Variants in XRN1 observed in about 807,000 individuals in gnomAD.
XRN1 encodes strand-exchange protein 1 homolog.
XRN1 carries 67 observed loss-of-function variants against 222.3 expected under a neutral mutation model. That is an observed-to-expected ratio of 0.30 (90% CI 0.25 to 0.37). XRN1 has a LOEUF of 0.37. XRN1 is among the 10% of genes least tolerant of loss of function. The probability of loss-of-function intolerance (pLI) is 1.00; values close to 1 mark genes in which losing one functional copy is unlikely to be tolerated. For synonymous variants in XRN1, 643 were observed against 652.4 expected, an observed-to-expected ratio of 0.99 and a Z score of 0.22; for missense variants, 1,707 against 2,000.2, an observed-to-expected ratio of 0.85 and a Z score of 2.80.
In XRN1 at chr3:142,306,628, TTTAA is replaced by T. The variant is rs1395533389; in HGVS notation, c.*4879_*4882del. On this transcript the variant is annotated 3_prime_UTR_variant, in exon 41 of 41. Transcript: ENST00000392981. ...CAGCTTATAAAATCATTCTCAAGTC[TTTAA>T]TTAAAATCCATAGAGCATTTAACAT... 1.3e-5 allele frequency: 2 copies of T among 152,338 alleles called. No individual in the cohort carries two copies. The highest frequency in any genetic ancestry group is 2.1e-4 in the South Asian group (1 of 4,836). 9.4% of individuals were successfully genotyped at this position (152,338 alleles called of 1,614,324 possible).
intron 37 of XRN1, among the ~76,000 whole-genome samples, chr3:142,319,581 T>C (rs1056949254): frequency 6.6e-6 from 1 of 152,196 alleles, no homozygotes; most frequent in Non-Finnish European, 1.5e-5. Flanking sequence ...ATATACTACA[T>C]AGTGGTGAAG....
intron 33 of XRN1, among the ~76,000 whole-genome samples, chr3:142,342,430 T>C (rs747793886): frequency 6.6e-6 from 1 of 152,054 alleles, no homozygotes; most frequent in Non-Finnish European, 1.5e-5. Flanking sequence ...TTTACATAAA[T>C]AGAAAAAACA....
At chr3:142,361,728 CATGTATCTTCTGGGGTA>C (rs2066636272) in intron 29 of XRN1, among the ~76,000 whole-genome samples, 3 of 152,136 alleles carry the variant, frequency 2.0e-5, no homozygotes, top group South Asian at 4.1e-4. Context: ...ATTTGCCATC[CATGTATCTTCTGGGGTA>C]AAATATCTGT....
intron 20 of XRN1, 24 bp downstream of exon 20, chr3:142,397,305 T>C: frequency 6.4e-6 from 10 of 1,550,932 alleles, no homozygotes; most frequent in Non-Finnish European, 8.7e-6. Flanking sequence ...TTCCATGATA[T>C]TAAATACTTT....
intron 30 of XRN1, among the ~76,000 whole-genome samples, chr3:142,357,671 T>C (rs1344909032): frequency 1.3e-5 from 2 of 151,912 alleles, no homozygotes; most frequent in African/African-American, 4.8e-5. Flanking sequence ...CAAATGACCC[T>C]CCATCCTTAG....
intron 37 of XRN1, among the ~76,000 whole-genome samples, chr3:142,328,452 C>T (rs965243547): frequency 2.6e-5 from 4 of 151,442 alleles, no homozygotes; most frequent in Admixed American, 2.6e-4. Flanking sequence ...TTCCAAAGTT[C>T]CTCTTGTTAT....
At chr3:142,400,603 A>G (rs2068090687) in intron 18 of XRN1, 56 bp from the exon 19 acceptor site, 2 of 1,405,658 alleles carry the variant, frequency 1.4e-6, no homozygotes, top group Non-Finnish European at 2.0e-6. Flanking sequence ...AGAAAACTTT[A>G]CACAGGCAAA....
intron 14 of XRN1, among the ~76,000 whole-genome samples, chr3:142,413,089 G>A (rs1162661117): frequency 6.6e-6 from 1 of 151,934 alleles, no homozygotes; most frequent in Non-Finnish European, 1.5e-5. Context: ...ATTCTATTAA[G>A]TAATGTAACA....
At position 142,348,845 on chromosome 3, in the gene XRN1, G is replaced by A. The variant is rs1054413824; in HGVS notation, c.3769-1503C>T. Among the ~76,000 whole-genome samples, 4 of 152,088 alleles carry A rather than the reference G, an allele frequency of 2.6e-5. 1 individual carries two copies. In the South Asian group the frequency reaches 8.3e-4, roughly 32 times the overall value. ...GTAGAGACAGGGATCTTATTATGTTGCCCAGGCTGGTGTCGAACTCCTGGG... is the reference window on the plus strand; with the variant it reads ...GTAGAGACAGGGATCTTATTATGTTACCCAGGCTGGTGTCGAACTCCTGGG... On this transcript the variant is annotated intron_variant, in intron 32 of 40. Coordinates refer to ENST00000392981, the MANE Select transcript of XRN1 (RefSeq NM_001282857.2).
chr3:142,418,563 C>T lies in XRN1; in HGVS notation c.1287G>A (p.Glu429=). 1 of 1,611,348 alleles carries T rather than the reference C, an allele frequency of 6.2e-7. No homozygotes were observed. ...AATATGTTCTTTTATATTGTCTAAA[C>T]TCAGTTTCAAATAGGTCATCATCTT... ...ETEDDDLFET[E]FRQYKRTYYM... The change falls in exon 12 of 41, where the codon GAG becomes GAA. Residue 429 remains glutamate (E), a synonymous_variant. Transcript: ENST00000392981.
chr3:142,404,413 G>A (rs1455163040), intron 16 of XRN1, among the ~76,000 whole-genome samples: 1 of 150,938 alleles, frequency 6.6e-6, no homozygotes, highest in Non-Finnish European at 1.5e-5. Flanking sequence ...TTGCCATCTG[G>A]GTAGATTATT....
chr3:142,419,808 CAAA>C (rs749309289), intron 10 of XRN1, among the ~76,000 whole-genome samples: 6 of 111,944 alleles, frequency 5.4e-5, no homozygotes, highest in African/African-American at 3.2e-5. Flanking sequence ...ATGCTGTCTC[CAAA>C]AAAAAAAAAA....
chr3:142,446,610 T>C (rs1023197514), intron 1 of XRN1, among the ~76,000 whole-genome samples: 3 of 152,232 alleles, frequency 2.0e-5, no homozygotes, highest in African/African-American at 7.2e-5. Context: ...ACAATCGCAT[T>C]ATTTTTGCAC....
At chr3:142,314,689 G>A (rs13067197) in intron 39 of XRN1, among the ~76,000 whole-genome samples, 57,213 of 151,484 alleles carry the variant, frequency 0.38, 10,891 homozygotes, top group Middle Eastern at 0.47. Context: ...CGGATCCCTT[G>A]AGCCCAGAGT....
At chr3:142,387,807 G>C (rs2067563815) in intron 20 of XRN1, among the ~76,000 whole-genome samples, 1 of 152,080 alleles carries the variant, frequency 6.6e-6, no homozygotes, top group Admixed American at 6.6e-5. Context: ...CTTGCAATGA[G>C]GAGGATACGG....
chr3:142,353,714 CTG>C (rs2066380196), intron 32 of XRN1, among the ~76,000 whole-genome samples: 1 of 152,134 alleles, frequency 6.6e-6, no homozygotes, highest in African/African-American at 2.4e-5. Flanking sequence ...AGACCTCAAA[CTG>C]TAAGAATCCT....
At chr3:142,386,653 T>C (rs1370669303) in intron 20 of XRN1, among the ~76,000 whole-genome samples, 1 of 151,994 alleles carries the variant, frequency 6.6e-6, no homozygotes, top group Admixed American at 6.6e-5. Flanking sequence ...AAAAAGATAA[T>C]CAACCCAATT....
At chr3:142,364,755 T>G (rs1029370009) in intron 29 of XRN1, among the ~76,000 whole-genome samples, 2 of 152,138 alleles carry the variant, frequency 1.3e-5, no homozygotes, top group African/African-American at 4.8e-5. Context: ...TGAAAACATA[T>G]GTATGCTCAC....
chr3:142,384,167 G>A (rs1374555995), intron 21 of XRN1, among the ~76,000 whole-genome samples: 1 of 151,630 alleles, frequency 6.6e-6, no homozygotes, highest in Admixed American at 6.6e-5. Context: ...AGCTACTCGG[G>A]AAGCTGTGGC....
Sources: allele counts gnomAD v4.1 joint callset (sites outside exome capture counted in the v4.1 genomes callset), GRCh38; gene constraint gnomAD v4.1.1; transcripts MANE v1.5; gene names NCBI Gene and HGNC (gene_info 2026-07-23, HGNC 2026-07-21).